EFR3A: variants seen among roughly 807,000 people sequenced by gnomAD.
EFR3A encodes protein EFR3 homolog A.
Under a neutral mutation model 104.4 loss-of-function variants are expected in EFR3A, and 76 were observed. That is an observed-to-expected ratio of 0.73 (90% confidence interval 0.60 to 0.88). EFR3A has a LOEUF of 0.88. Among genes scored for constraint, EFR3A ranks in the 40% least tolerant of loss-of-function variants. The pLI is 0.00. For synonymous variants in EFR3A, 330 were observed against 330.0 expected (o/e 1.00, Z 0.00); for missense variants, 985 against 1,012.5 (o/e 0.97, Z 0.37).
At chr8:131,936,629 A>T (rs1222879917) in intron 1 of EFR3A, among the ~76,000 whole-genome samples, 2 of 152,110 alleles carry the variant, frequency 1.3e-5, no homozygotes, top group Admixed American at 1.3e-4. Context: ...CAGGATTCCC[A>T]CACTCCCTCC....
rs758459195 is a variant in EFR3A, at chr8:131,984,303, A to G, written c.1737+3A>G. ...TTCGACTGGCCATTGCTTTACAGGT[A>G]TGCTTTCATAACCGTTCACTGCAGA... On this transcript the variant is annotated splice_donor_region_variant and intron_variant, in intron 15 of 22. Transcript: ENST00000254624. The G allele has an allele frequency of 1.3e-6, 2 of 1,577,762 alleles. No homozygotes were observed. The highest frequency in any genetic ancestry group is 2.4e-5 in the South Asian group (2 of 84,036).
At chr8:131,993,594 G>A (rs1821319160) in intron 18 of EFR3A, among the ~76,000 whole-genome samples, 1 of 151,840 alleles carries the variant, frequency 6.6e-6, no homozygotes, top group Non-Finnish European at 1.5e-5. Flanking sequence ...TACAGAATGG[G>A]ATTAGAAAGA....
intron 8 of EFR3A, among the ~76,000 whole-genome samples, 162 bp from the exon 9 acceptor site, chr8:131,968,133 T>A (rs984029943): frequency 6.6e-6 from 1 of 152,204 alleles, no homozygotes; most frequent in African/African-American, 2.4e-5. Context: ...CTCTGTTTAT[T>A]CTTTAAAAGA....
chr8:131,927,775 AT>A (rs1817374224), intron 1 of EFR3A, among the ~76,000 whole-genome samples: 2 of 152,142 alleles, frequency 1.3e-5, no homozygotes, highest in Non-Finnish European at 2.9e-5. Context: ...CTTACTGGAA[AT>A]TGAATTATCG....
chr8:131,957,350 C>CTTTTTTT (rs1185442281), intron 7 of EFR3A, among the ~76,000 whole-genome samples: 2 of 125,966 alleles, frequency 1.6e-5, no homozygotes, highest in Admixed American at 8.1e-5. Flanking sequence ...GGGCCAGGGT[C>CTTTTTTT]TTTTTTTTTT....
intron 1 of EFR3A, 52 bp downstream of exon 1, chr8:131,904,374 C>A (rs1020229514): frequency 1.6e-6 from 2 of 1,240,030 alleles, no homozygotes; most frequent in Non-Finnish European, 2.0e-6. Flanking sequence ...GCCTGCGCGA[C>A]GCGCTTGGGC....
chr8:131,996,884 A>G, intron 19 of EFR3A, among the ~76,000 whole-genome samples: 1 of 152,250 alleles, frequency 6.6e-6, no homozygotes, highest in East Asian at 1.9e-4. Context: ...AATTACAGAA[A>G]TAAATAGAAC....
At chr8:131,971,105 T>G (rs1430992954) in intron 10 of EFR3A, among the ~76,000 whole-genome samples, 1 of 152,242 alleles carries the variant, frequency 6.6e-6, no homozygotes, top group Non-Finnish European at 1.5e-5. Flanking sequence ...ATGTACTTTT[T>G]AATATAACCA....
At chr8:131,906,316 G>A (rs958983253) in intron 1 of EFR3A, among the ~76,000 whole-genome samples, 3 of 152,180 alleles carry the variant, frequency 2.0e-5, no homozygotes, top group African/African-American at 7.2e-5. Flanking sequence ...GCTCTTAGGA[G>A]GAAAACTGTG....
chr8:131,962,909 A>G (rs1819464317), intron 8 of EFR3A, among the ~76,000 whole-genome samples: 1 of 152,238 alleles, frequency 6.6e-6, no homozygotes, highest in Non-Finnish European at 1.5e-5. Flanking sequence ...CTCAGGATTA[A>G]GAAACTCACT....
chr8:131,907,103 G>A (rs1220135171), intron 1 of EFR3A, among the ~76,000 whole-genome samples: 1 of 152,074 alleles, frequency 6.6e-6, no homozygotes, highest in East Asian at 1.9e-4. Flanking sequence ...TTTTTCTCTA[G>A]CACTAAATTG....
In EFR3A at chr8:132,011,338, T is replaced by A; in HGVS notation, c.*443T>A. 2 of 987,218 alleles carry A rather than the reference T, an allele frequency of 2.0e-6. No homozygotes were observed. Among genetic ancestry groups the A allele is most frequent in the Non-Finnish European group, 2.4e-6 (2 of 830,986 alleles). The allele number at this position is 987,218 out of a possible 1,614,324, so 61.2% of individuals were successfully genotyped here. ...AGGCAGATACATTTAAATATATTCC[T>A]AGTCCTGGGACTGCAAAACTGTTCG... On this transcript the variant is annotated 3_prime_UTR_variant, in exon 23 of 23. Coordinates refer to ENST00000254624, the MANE Select transcript of EFR3A (RefSeq NM_015137.6).
rs143933422 is a variant in EFR3A, at chr8:131,944,815, G to T, written c.158G>T (p.Arg53Leu). 6.2e-7 allele frequency: 1 copy of T among 1,610,118 alleles called. No individual in the cohort carries two copies. The highest frequency in any genetic ancestry group is 8.5e-7 in the Non-Finnish European group (1 of 1,178,052). ...YAVSAPEKLD[R>L]IGSYLAERLS... ...GTATCTGCTCCAGAGAAACTGGATC[G>T]AATTGGTTCTTACCTGGCAGAAAGG... is the stretch of plus-strand genomic sequence containing the variant. Residue 53 changes from arginine to leucine, a missense_variant, in exon 3 of 23, where the codon CGA becomes CTA. Arg to Leu is a moderately radical substitution (Grantham distance 102). Coordinates refer to ENST00000254624, the MANE Select transcript of EFR3A (RefSeq NM_015137.6).
chr8:131,962,060 C>T (rs1190981099), intron 8 of EFR3A, among the ~76,000 whole-genome samples: 1 of 152,232 alleles, frequency 6.6e-6, no homozygotes, highest in African/African-American at 2.4e-5. Flanking sequence ...CTGAAGGAAG[C>T]ACTAAACATG....
At chr8:132,001,848 T>G (rs1179074562) in intron 20 of EFR3A, 41 bp downstream of exon 20, 2 of 1,509,176 alleles carry the variant, frequency 1.3e-6, no homozygotes, top group Non-Finnish European at 1.8e-6. Context: ...AATATTTAAC[T>G]TATCTTTATC....
chr8:131,912,733 A>C (rs575457475), intron 1 of EFR3A, among the ~76,000 whole-genome samples: 1 of 152,298 alleles, frequency 6.6e-6, no homozygotes, highest in South Asian at 2.1e-4. Context: ...ACATTTTATA[A>C]AAATTTTTAT....
chr8:131,959,411 A>G (rs1819191143), intron 7 of EFR3A, among the ~76,000 whole-genome samples, 174 bp from the exon 8 acceptor site: 1 of 152,350 alleles, frequency 6.6e-6, no homozygotes, highest in Admixed American at 6.5e-5. Flanking sequence ...TGCTTTAGAA[A>G]TAGCTTTAAT....
intron 11 of EFR3A, 81 bp downstream of exon 11, chr8:131,976,222 GT>G (rs1002323390): frequency 5.7e-5 from 52 of 913,622 alleles, no homozygotes; most frequent in South Asian, 8.1e-5. Context: ...TTAACGTTTT[GT>G]TTTTTTTTAA....
At chr8:131,924,335 T>G in intron 1 of EFR3A, 1 of 258,492 alleles carries the variant, frequency 3.9e-6, no homozygotes, top group Non-Finnish European at 7.9e-6. Context: ...TTTTTATCCT[T>G]TGACACGTGA....
Sources: allele counts gnomAD v4.1 joint callset (sites outside exome capture counted in the v4.1 genomes callset), GRCh38; gene constraint gnomAD v4.1.1; transcripts MANE v1.5; gene names NCBI Gene and HGNC (gene_info 2026-07-23, HGNC 2026-07-21).